DROSHA: variants seen among roughly 807,000 people sequenced by gnomAD.
DROSHA encodes the protein drosha ribonuclease III.
In DROSHA, 56 loss-of-function variants were observed where a neutral mutation model predicts 181.9. That is an observed-to-expected ratio of 0.31 (90% CI 0.25 to 0.38). The LOEUF (loss-of-function observed/expected upper bound fraction) is 0.38. Ranked by LOEUF, DROSHA falls within the 10% of genes least tolerant of loss-of-function variation. The pLI, the probability that DROSHA is intolerant of heterozygous loss-of-function variation, is 1.00. For synonymous variants in DROSHA, 524 were observed against 591.2 expected (o/e 0.89, Z 1.65); for missense variants, 1,218 against 1,743.5 (o/e 0.70, Z 5.37).
chr5:31,455,081 G>A (rs1580153413), intron 20 of DROSHA, among the ~76,000 whole-genome samples: 1 of 151,676 alleles, frequency 6.6e-6, no homozygotes, highest in East Asian at 1.9e-4. Flanking sequence ...TAGAGGAAAG[G>A]AAGATTTGAA....
rs142064683 is a variant in DROSHA at position 31,516,206 on chromosome 5, T to C, written c.948-642A>G. Among the ~76,000 whole-genome samples, 746 of 152,306 alleles carry C rather than the reference T, an allele frequency of 4.9e-3. 8 individuals carry two copies. The highest frequency in any genetic ancestry group is 0.017 in the African/African-American group (709 of 41,574). On this transcript the variant is annotated intron_variant, in intron 6 of 35. Transcript: ENST00000344624. ...GGAAGGCTGAGGCTGCAGTGAGCTATGATTGCACCACGCACTCCAGCCTGG... is the reference window on the plus strand; with the variant it reads ...GGAAGGCTGAGGCTGCAGTGAGCTACGATTGCACCACGCACTCCAGCCTGG...
rs976015560 is a variant in DROSHA, at chr5:31,514,471, T to A, written c.1290+517A>T. On this transcript the variant is annotated intron_variant, in intron 8 of 35. Transcript: ENST00000344624. The surrounding 1 kb of genome is among the most constrained non-coding windows in gnomAD (Gnocchi z 4.4). ...GAGTGGGCAACATAGTATGACCTCATCTCTACTAAAAAATAAAAAAAAATT... is the reference window on the plus strand; with the variant it reads ...GAGTGGGCAACATAGTATGACCTCAACTCTACTAAAAAATAAAAAAAAATT... Among the ~76,000 whole-genome samples the A allele has an allele frequency of 1.3e-5, 2 of 151,696 alleles. No individual in the cohort carries two copies. Among genetic ancestry groups the A allele is most frequent in the Admixed American group, 1.3e-4 (2 of 15,246 alleles).
At position 31,515,188 on chromosome 5, in the gene DROSHA, G is replaced by A. The variant is rs756537138; in HGVS notation, c.1090C>T (p.Arg364Cys). The change falls in exon 8 of 36, where the codon CGT becomes TGT. Residue 364 changes from arginine to cysteine, a missense_variant. Coordinates refer to ENST00000344624, the MANE Select transcript of DROSHA (RefSeq NM_001382508.1). The part of the protein sequence containing the change: ...RSPSREKKRA[R>C]WEEEKDRWSD... ...CAACGGTCTTTTTCTTCCTCCCAAC[G>A]AGCTCTCTTCTTCTCCCTACTTGGG... is the stretch of plus-strand genomic sequence containing the variant. The A allele has an allele frequency of 1.4e-5, 22 of 1,613,678 alleles. No homozygotes were observed. The highest frequency in any genetic ancestry group is 1.7e-5 in the Non-Finnish European group (20 of 1,179,870).
intron 10 of DROSHA, among the ~76,000 whole-genome samples, chr5:31,507,762 T>C (rs1398656270): frequency 6.6e-6 from 1 of 152,236 alleles, no homozygotes; most frequent in African/African-American, 2.4e-5. Context: ...TGAAGTACAA[T>C]TGTATCATAT....
At chr5:31,527,850 T>C (rs1740783971) in intron 4 of DROSHA, among the ~76,000 whole-genome samples, 1 of 152,200 alleles carries the variant, frequency 6.6e-6, no homozygotes. Context: ...AAAGTGTATA[T>C]ACTTCTAACT....
chr5:31,461,422 C>CA (rs1202399502), intron 20 of DROSHA, among the ~76,000 whole-genome samples: 1 of 152,120 alleles, frequency 6.6e-6, no homozygotes. Context: ...CTCTACTTGT[C>CA]AAAGATTTTC....
intron 13 of DROSHA, among the ~76,000 whole-genome samples, chr5:31,487,229 T>C (rs888545866): frequency 2.0e-5 from 3 of 152,198 alleles, no homozygotes; most frequent in African/African-American, 4.8e-5. Context: ...TCAGGTACCA[T>C]GCCTAAGATA....
At chr5:31,433,201 G>A (rs150982556) in intron 25 of DROSHA, among the ~76,000 whole-genome samples, 7 of 152,162 alleles carry the variant, frequency 4.6e-5, no homozygotes, top group African/African-American at 1.7e-4. Context: ...ATAAAAATAA[G>A]ACATATATGC....
intron 14 of DROSHA, among the ~76,000 whole-genome samples, chr5:31,486,017 T>C (rs1056155332): frequency 1.3e-5 from 2 of 152,248 alleles, no homozygotes; most frequent in African/African-American, 4.8e-5. Flanking sequence ...ATCTCTTGCA[T>C]ATATTGAGAT....
chr5:31,442,660 G>A (rs909911497), intron 23 of DROSHA, among the ~76,000 whole-genome samples: 6 of 152,086 alleles, frequency 3.9e-5, no homozygotes, highest in Admixed American at 1.3e-4. Context: ...AAGCCATCTT[G>A]GGATAGGCCA....
At chr5:31,515,325 A>G (rs75236250) in intron 7 of DROSHA, 106 bp from the exon 8 acceptor site, 16,787 of 1,259,478 alleles carry the variant, frequency 0.013, 178 homozygotes, top group Middle Eastern at 0.07. Context: ...TATGAATACC[A>G]TGCCAAATCA....
In DROSHA at chr5:31,508,701, C is replaced by CA; in HGVS notation, c.1506dup (p.Asp503Ter). ...TTGCGTTTGATTTCTGCAATAACGT[C>CA]AAAAACTTCAGAGTCTGAGCTGCTA... is the stretch of plus-strand genomic sequence containing the variant. On this transcript the variant is annotated frameshift_variant, in exon 10 of 36. Coordinates refer to ENST00000344624, the MANE Select transcript of DROSHA (RefSeq NM_001382508.1). LOFTEE classifies it high-confidence loss of function. The CA allele has an allele frequency of 6.2e-7, 1 of 1,613,916 alleles. No homozygotes were observed. Among genetic ancestry groups the CA allele is most frequent in the Non-Finnish European group, 8.5e-7 (1 of 1,179,872 alleles).
intron 17 of DROSHA, among the ~76,000 whole-genome samples, chr5:31,469,806 A>C (rs1169962248): frequency 6.6e-6 from 1 of 152,250 alleles, no homozygotes; most frequent in Non-Finnish European, 1.5e-5. Flanking sequence ...TCTTTGTTTA[A>C]GAATAAAAAA....
At chr5:31,517,750 G>C (rs191209354) in intron 6 of DROSHA, among the ~76,000 whole-genome samples, 1 of 151,922 alleles carries the variant, frequency 6.6e-6, no homozygotes, top group East Asian at 1.9e-4. Context: ...AAAAATTAAA[G>C]AGTCATTATG....
intron 33 of DROSHA, among the ~76,000 whole-genome samples, chr5:31,408,288 T>TG (rs1345058960): frequency 6.6e-6 from 1 of 152,174 alleles, no homozygotes; most frequent in Non-Finnish European, 1.5e-5. Context: ...GTGAAACAGT[T>TG]TTGAAACAAT....
chr5:31,525,754 TATG>T (rs759429223), intron 5 of DROSHA, among the ~76,000 whole-genome samples: 76 of 152,306 alleles, frequency 5.0e-4, no homozygotes, highest in Non-Finnish European at 9.9e-4. Flanking sequence ...TAATTTAATC[TATG>T]ATAACACAAA....
intron 16 of DROSHA, among the ~76,000 whole-genome samples, chr5:31,473,362 C>T (rs1749972606): frequency 6.6e-6 from 1 of 152,216 alleles, no homozygotes; most frequent in African/African-American, 2.4e-5. Context: ...TCTGTGTGAG[C>T]TGTGTTCCTC....
chr5:31,410,964 A>G, intron 30 of DROSHA, 77 bp from the exon 31 acceptor site: 1 of 1,575,764 alleles, frequency 6.3e-7, no homozygotes, highest in South Asian at 1.2e-5. Flanking sequence ...GGACCCAACT[A>G]GCCTGAGAGG....
chr5:31,474,990 A>G (rs1750201869), intron 16 of DROSHA, among the ~76,000 whole-genome samples: 1 of 152,204 alleles, frequency 6.6e-6, no homozygotes, highest in African/African-American at 2.4e-5. Flanking sequence ...TCGAAGACAC[A>G]TAGCTAGGGG....
Sources: allele counts gnomAD v4.1 joint callset (sites outside exome capture counted in the v4.1 genomes callset), GRCh38; gene constraint gnomAD v4.1.1; non-coding constraint Gnocchi (gnomAD v3.1); transcripts MANE v1.5; gene names NCBI Gene and HGNC (gene_info 2026-07-23, HGNC 2026-07-21).